The following RABGAP1L variants were observed in gnomAD, a reference collection of about 807,000 sequenced individuals.
RABGAP1L encodes the protein RAB GTPase activating protein 1 like.
A neutral mutation model predicts 137.7 loss-of-function variants in RABGAP1L; 63 were observed. The observed-to-expected ratio is 0.46, with a 90% CI of 0.37 to 0.56. The LOEUF (loss-of-function observed/expected upper bound fraction) is 0.56. Ranked by LOEUF, RABGAP1L falls within the 20% of genes least tolerant of loss-of-function variation. The pLI, the probability that RABGAP1L is intolerant of heterozygous loss-of-function variation, is 0.00. For missense variants in RABGAP1L, 1,095 were observed against 1,244.0 expected (o/e 0.88, Z 1.80); for synonymous variants, 431 against 433.7 (o/e 0.99, Z 0.08).
At chr1:174,470,692 G>C (rs1374979992) in intron 13 of RABGAP1L, among the ~76,000 whole-genome samples, 1 of 152,076 alleles carries the variant, frequency 6.6e-6, no homozygotes, top group Non-Finnish European at 1.5e-5. Flanking sequence ...GCTTGAACCT[G>C]GGAGATGGAG....
intron 14 of RABGAP1L, among the ~76,000 whole-genome samples, chr1:174,678,716 C>T (rs1432965169): frequency 4.6e-5 from 7 of 152,294 alleles, no homozygotes; most frequent in East Asian, 1.9e-4. Flanking sequence ...CTTGGCCTCA[C>T]GGCTTCCAAG....
chr1:174,727,884 A>G (rs1441731795), intron 17 of RABGAP1L, among the ~76,000 whole-genome samples: 1 of 152,222 alleles, frequency 6.6e-6, no homozygotes, highest in Admixed American at 6.5e-5. Flanking sequence ...TTTTTGGGTA[A>G]TCTCATGTGC....
chr1:174,199,558 C>T (rs1370255780), intron 1 of RABGAP1L, among the ~76,000 whole-genome samples: 1 of 152,182 alleles, frequency 6.6e-6, no homozygotes, highest in Non-Finnish European at 1.5e-5. Flanking sequence ...TCCCAAAGTG[C>T]TGGGATTACA....
In RABGAP1L at chr1:174,358,481, T is replaced by C. The variant is rs187359206; in HGVS notation, c.1466-12498T>C. ...CTGGCGGGTGGTGTAGGGTTTTTGG[T>C]TTATTTATCTTGGCACAGACATCAG... On this transcript the variant is annotated intron_variant, in intron 11 of 25. Transcript: ENST00000681986. Among the ~76,000 whole-genome samples, 50 of 152,220 alleles carry C rather than the reference T, an allele frequency of 3.3e-4. 1 individual carries two copies. The highest frequency in any genetic ancestry group is 1.2e-3 in the African/African-American group (48 of 41,530).
chr1:174,590,077 C>G (rs1669450136), intron 13 of RABGAP1L, among the ~76,000 whole-genome samples: 1 of 147,828 alleles, frequency 6.8e-6, no homozygotes, highest in Non-Finnish European at 1.5e-5. Context: ...TTCTTCTAAT[C>G]CATGAACATG....
intron 15 of RABGAP1L, among the ~76,000 whole-genome samples, chr1:174,693,852 CAAGT>C (rs908622277): frequency 6.6e-6 from 1 of 152,062 alleles, no homozygotes; most frequent in African/African-American, 2.4e-5. Context: ...TTAAAGGAAA[CAAGT>C]AGGTGCTATT....
chr1:174,707,658 G>A (rs1680156513), intron 17 of RABGAP1L, among the ~76,000 whole-genome samples: 2 of 152,126 alleles, frequency 1.3e-5, no homozygotes, highest in South Asian at 4.1e-4. Flanking sequence ...AAGTACTTAA[G>A]TACTCTGCCT....
At chr1:174,650,943 A>G (rs529117490) in intron 14 of RABGAP1L, among the ~76,000 whole-genome samples, 2,204 of 142,556 alleles carry the variant, frequency 0.015, 55 homozygotes, top group African/African-American at 0.058. Flanking sequence ...TCAATTTTGG[A>G]TCTTTCCTGC....
At chr1:174,851,706 G>A (rs1648384869) in intron 19 of RABGAP1L, among the ~76,000 whole-genome samples, 1 of 150,442 alleles carries the variant, frequency 6.6e-6, no homozygotes, top group Non-Finnish European at 1.5e-5. Context: ...TTTTGATAGA[G>A]ACAGAGTCTC....
chr1:174,469,232 G>A (rs1183080994), intron 13 of RABGAP1L, among the ~76,000 whole-genome samples: 2 of 152,006 alleles, frequency 1.3e-5, no homozygotes, highest in Non-Finnish European at 2.9e-5. Flanking sequence ...ATATATAATT[G>A]TATATGAATA....
At chr1:174,771,573 C>A (rs1381296866) in intron 18 of RABGAP1L, among the ~76,000 whole-genome samples, 2 of 152,026 alleles carry the variant, frequency 1.3e-5, no homozygotes, top group Non-Finnish European at 1.5e-5. Flanking sequence ...GTTTTCATTT[C>A]AACTTAAAAA....
At chr1:174,632,262 C>T (rs1476107030) in intron 13 of RABGAP1L, among the ~76,000 whole-genome samples, 42 of 146,376 alleles carry the variant, frequency 2.9e-4, no homozygotes, top group African/African-American at 6.6e-4. Context: ...CCGAGAGATC[C>T]GCTGTTAGTC....
chr1:174,741,060 T>G (rs1683362851), intron 17 of RABGAP1L, among the ~76,000 whole-genome samples: 2 of 86,688 alleles, frequency 2.3e-5, no homozygotes, highest in Admixed American at 2.4e-4. Context: ...TTTTTTTTTG[T>G]GTGTGGGAGC....
At chr1:174,603,760 A>T (rs551283143) in intron 13 of RABGAP1L, among the ~76,000 whole-genome samples, 3 of 151,992 alleles carry the variant, frequency 2.0e-5, no homozygotes, top group Non-Finnish European at 2.9e-5. Context: ...GCCCATGCAG[A>T]TGATGAATGC....
chr1:174,500,611 G>A (rs1363585576), intron 13 of RABGAP1L, among the ~76,000 whole-genome samples: 1 of 152,004 alleles, frequency 6.6e-6, no homozygotes, highest in Non-Finnish European at 1.5e-5. Flanking sequence ...ATAGAAGTAG[G>A]GTATAGTAAA....
At chr1:174,209,952 G>C (rs539022468) in intron 1 of RABGAP1L, among the ~76,000 whole-genome samples, 99 of 152,306 alleles carry the variant, frequency 6.5e-4, no homozygotes, top group Admixed American at 1.6e-3. Flanking sequence ...AAAAGTCTCT[G>C]CCTGGTAATC....
chr1:174,450,703 A>G (rs1398549972), intron 13 of RABGAP1L, among the ~76,000 whole-genome samples: 1 of 152,182 alleles, frequency 6.6e-6, no homozygotes, highest in Non-Finnish European at 1.5e-5. Flanking sequence ...CATTTGGGGA[A>G]TTAGCGAAGC....
rs1240073255 is a variant in RABGAP1L at position 174,550,983 on chromosome 1, C to CAT, written c.1711-86380_1711-86379dup. Among the ~76,000 whole-genome samples the CAT allele has an allele frequency of 2.5e-3, 206 of 83,416 alleles. 2 individuals carry two copies. Among genetic ancestry groups the CAT allele is most frequent in the East Asian group, 0.01 (33 of 3,296 alleles). 54.7% of individuals were successfully genotyped at this position (83,416 alleles called of 152,430 possible). A position where few individuals can be genotyped will look rare whatever the true frequency, so the allele number is the denominator to read the frequency against. ...ACACATATATATACATGTATATATA[C>CAT]ATATATATATATACACATATATATA... On this transcript the variant is annotated intron_variant, in intron 13 of 25. Coordinates refer to ENST00000681986, the MANE Select transcript of RABGAP1L (RefSeq NM_001366446.1).
intron 19 of RABGAP1L, among the ~76,000 whole-genome samples, chr1:174,879,100 G>GT (rs75370052): frequency 0.049 from 5,685 of 116,354 alleles, 137 homozygotes; most frequent in Middle Eastern, 0.1. Flanking sequence ...ACGCCTGGCT[G>GT]TTTTTTTTTT....
Sources: allele counts gnomAD v4.1 joint callset (sites outside exome capture counted in the v4.1 genomes callset), GRCh38; gene constraint gnomAD v4.1.1; transcripts MANE v1.5; gene names NCBI Gene and HGNC (gene_info 2026-07-23, HGNC 2026-07-21).